Variants in SEC23IP observed in about 807,000 individuals in gnomAD.
SEC23IP encodes SEC23-interacting protein.
A neutral mutation model predicts 113.4 loss-of-function variants in SEC23IP; 70 were observed. That is an observed-to-expected ratio of 0.62 (90% CI 0.51 to 0.75). The LOEUF is 0.75. SEC23IP is among the 30% of genes least tolerant of loss of function. The probability of loss-of-function intolerance (pLI) is 0.00; values close to 1 mark genes in which losing one functional copy is unlikely to be tolerated. For synonymous variants in SEC23IP, 398 were observed against 421.0 expected (o/e 0.95, Z 0.67); for missense variants, 1,160 against 1,204.9 (o/e 0.96, Z 0.55).
intron 13 of SEC23IP, 148 bp downstream of exon 13, chr10:119,926,375 C>A: frequency 1.3e-6 from 1 of 766,060 alleles, no homozygotes; most frequent in East Asian, 2.7e-5. Context: ...AAATTTTTTT[C>A]TTCTTCAACA....
chr10:119,906,306 C>T (rs1187507345), intron 4 of SEC23IP, among the ~76,000 whole-genome samples: 2 of 143,456 alleles, frequency 1.4e-5, no homozygotes, highest in South Asian at 4.4e-4. Context: ...AAAAAAGAAA[C>T]GGAGCTAAAC....
intron 4 of SEC23IP, chr10:119,904,705 C>G (rs565936449): frequency 6.4e-6 from 1 of 155,562 alleles, no homozygotes; most frequent in South Asian, 2.0e-4. Context: ...ATAATTTCTT[C>G]AAGAAATTAT....
At position 119,915,742 on chromosome 10, in the gene SEC23IP, T is replaced by A; in HGVS notation, c.1403-6T>A. On this transcript the variant is annotated splice_region_variant and splice_polypyrimidine_tract_variant and intron_variant, in intron 7 of 18. Coordinates refer to ENST00000369075, the MANE Select transcript of SEC23IP (RefSeq NM_007190.4). ...TTATTTTCTCTTTTTTTTTTTTCTT[T>A]TGAAGTGGATGATTTTAGGGTGGTT... 2 of 1,543,188 alleles carry A rather than the reference T, an allele frequency of 1.3e-6. No homozygotes were observed. Among genetic ancestry groups the A allele is most frequent in the Non-Finnish European group, 1.7e-6 (2 of 1,145,006 alleles).
intron 6 of SEC23IP, among the ~76,000 whole-genome samples, chr10:119,914,091 C>T (rs35940252): frequency 0.055 from 8,303 of 152,128 alleles, 421 homozygotes; most frequent in South Asian, 0.27. Context: ...ACCCGGGAGG[C>T]GGAGGTTGCA....
intron 1 of SEC23IP, among the ~76,000 whole-genome samples, chr10:119,897,138 G>A (rs972387011): frequency 1.3e-5 from 2 of 152,248 alleles, no homozygotes; most frequent in Non-Finnish European, 2.9e-5. Flanking sequence ...GTGTGCCTGT[G>A]TGCTGTGAGT....
At chr10:119,938,926 A>T (rs1043451289) in intron 18 of SEC23IP, among the ~76,000 whole-genome samples, 4 of 152,216 alleles carry the variant, frequency 2.6e-5, no homozygotes, top group Non-Finnish European at 5.9e-5. Context: ...CAATTATTCT[A>T]TACATAGTTC....
chr10:119,932,050 G>T (rs753806043), intron 15 of SEC23IP, 83 bp from the exon 16 acceptor site: 1 of 837,848 alleles, frequency 1.2e-6, no homozygotes, highest in East Asian at 2.4e-5. Flanking sequence ...TCCTGTCTGA[G>T]AAGAGTGTTA....
chr10:119,915,618 T>C, intron 7 of SEC23IP, 130 bp from the exon 8 acceptor site: 1 of 674,882 alleles, frequency 1.5e-6, no homozygotes, highest in Non-Finnish European at 2.2e-6. Context: ...AATTCTCTTA[T>C]CCTCATTTTT....
At chr10:119,922,981 C>G (rs1855297119) in intron 12 of SEC23IP, among the ~76,000 whole-genome samples, 1 of 141,884 alleles carries the variant, frequency 7.0e-6, no homozygotes, top group African/African-American at 2.7e-5. Flanking sequence ...TCCGTGTATA[C>G]ATCAGTGAAG....
At position 119,915,879 on chromosome 10, in the gene SEC23IP, G is replaced by T; in HGVS notation, c.1534G>T (p.Gly512Cys). Residue 512 changes from glycine to cysteine, a missense_variant, in exon 8 of 19, where the codon GGT becomes TGT. Transcript: ENST00000369075. ...TAGTTCTTTGGGTGGGGACGCCACAGGTGTGGACAGGTTTGTGGATTTTGA... is the reference window on the plus strand; with the variant it reads ...TAGTTCTTTGGGTGGGGACGCCACATGTGTGGACAGGTTTGTGGATTTTGA... ...WHSSLGGDAT[G>C]VDRNIKKITL... The T allele has an allele frequency of 6.5e-7, 1 of 1,538,998 alleles. No individual in the cohort carries two copies. Among genetic ancestry groups the T allele is most frequent in the Non-Finnish European group, 8.8e-7 (1 of 1,141,218 alleles).
intron 2 of SEC23IP, among the ~76,000 whole-genome samples, chr10:119,901,116 C>A (rs1320943018): frequency 6.8e-6 from 1 of 147,836 alleles, no homozygotes; most frequent in African/African-American, 2.5e-5. Context: ...CAACCTTGAA[C>A]TACACTTCAG....
chr10:119,919,413 T>C (rs1374619401), intron 10 of SEC23IP, 31 bp from the exon 11 acceptor site: 2 of 1,575,120 alleles, frequency 1.3e-6, no homozygotes, highest in African/African-American at 1.4e-5. Context: ...TTTCTGAGCT[T>C]GTAATGTTTT....
At position 119,918,487 on chromosome 10, in the gene SEC23IP, G is replaced by A. The variant is rs748705819; in HGVS notation, c.1848G>A (p.Lys616=). 9.9e-6 allele frequency: 16 copies of A among 1,611,886 alleles called. No homozygotes were observed. Among genetic ancestry groups the A allele is most frequent in the Admixed American group, 1.7e-5 (1 of 59,996 alleles). Residue 616 remains lysine (K), a synonymous_variant, in exon 10 of 19, where the codon AAG becomes AAA. Transcript: ENST00000369075. ...GPLAVANGVV[K]QLHFQEKQMP... is the part of the protein sequence containing the mutation. ...TTGCTGTTGCTAATGGAGTTGTGAAGCAGCTACATTTTCAGGAAAAGCAGG... is the reference window on the plus strand; with the variant it reads ...TTGCTGTTGCTAATGGAGTTGTGAAACAGCTACATTTTCAGGAAAAGCAGG...
chr10:119,900,902 CT>C (rs545984681), intron 2 of SEC23IP, among the ~76,000 whole-genome samples: 6 of 151,004 alleles, frequency 4.0e-5, no homozygotes, highest in African/African-American at 1.2e-4. Flanking sequence ...TGTTATATGT[CT>C]TTTTTTGGCA....
At chr10:119,903,975 C>T in intron 3 of SEC23IP, 109 bp from the exon 4 acceptor site, 1 of 1,168,432 alleles carries the variant, frequency 8.6e-7, no homozygotes. Flanking sequence ...CTCTCTCGGC[C>T]TCCCAGGGTG....
At chr10:119,898,020 A>T (rs910430433) in intron 1 of SEC23IP, among the ~76,000 whole-genome samples, 60 of 151,648 alleles carry the variant, frequency 4.0e-4, no homozygotes, top group Admixed American at 1.4e-3. Flanking sequence ...AAAATAAAAA[A>T]AAAAAAATAA....
intron 1 of SEC23IP, among the ~76,000 whole-genome samples, chr10:119,896,891 G>A (rs887651321): frequency 6.6e-6 from 1 of 152,160 alleles, no homozygotes; most frequent in Non-Finnish European, 1.5e-5. Context: ...TATCAGAGAA[G>A]TGGAATGATT....
At position 119,933,729 on chromosome 10, in the gene SEC23IP, C is replaced by G; in HGVS notation, c.2965C>G (p.Arg989Gly). ...TCTGTTACTACTTAAAGAAATTTAT[C>G]GAACAATGAACATTAGTCCAGAACA... ...TALLLLKEIY[R>G]TMNISPEQPQ... The change falls in exon 18 of 19, where the codon CGA (arginine) becomes GGA (glycine). Residue 989 changes from arginine (R) to glycine (G), a missense_variant. By Grantham distance (125) the Arg-to-Gly change is moderately radical. Transcript: ENST00000369075. The G allele has an allele frequency of 6.3e-7, 1 of 1,597,576 alleles. No homozygotes were observed. Among genetic ancestry groups the G allele is most frequent in the Admixed American group, 1.7e-5 (1 of 59,984 alleles).
chr10:119,904,068 T>G lies in SEC23IP; in HGVS notation c.908-16T>G. Reference sequence around the variant, plus strand: ...GCCTTGCAGCAGTTAGGAAAAGTGTTAATTTTGTTCTCTAGTTCAGCCAGA... The same window carrying G: ...GCCTTGCAGCAGTTAGGAAAAGTGTGAATTTTGTTCTCTAGTTCAGCCAGA... On this transcript the variant is annotated splice_polypyrimidine_tract_variant and intron_variant, in intron 3 of 18. Coordinates refer to ENST00000369075, the MANE Select transcript of SEC23IP (RefSeq NM_007190.4). 1 of 1,611,910 alleles carries G rather than the reference T, an allele frequency of 6.2e-7. No individual in the cohort carries two copies. The highest frequency in any genetic ancestry group is 8.5e-7 in the Non-Finnish European group (1 of 1,178,332).
Sources: gnomAD v4.1 joint callset for allele counts (sites outside exome capture counted in the v4.1 genomes callset) on GRCh38, gnomAD v4.1.1 for gene constraint, MANE v1.5 for transcripts, NCBI Gene and HGNC (gene_info 2026-07-23, HGNC 2026-07-21) for gene names.